The following PELI2 variants were observed in gnomAD, a reference collection of about 807,000 sequenced individuals.
PELI2 encodes the protein pellino E3 ubiquitin protein ligase family member 2, also known as E3 ubiquitin-protein ligase pellino homolog 2.
A neutral mutation model predicts 42.3 loss-of-function variants in PELI2; 23 were observed. The ratio of observed to expected loss-of-function variants is 0.54; its 90% CI spans 0.39 to 0.77. PELI2 has a LOEUF of 0.77. Among genes scored for constraint, PELI2 ranks in the 30% least tolerant of loss-of-function variants. PELI2 has a pLI of 0.00. For missense variants in PELI2, 463 were observed against 553.2 expected (o/e 0.84, Z 1.64); for synonymous variants, 245 against 212.2 (o/e 1.15, Z -1.34).
intron 2 of PELI2, among the ~76,000 whole-genome samples, chr14:56,229,342 A>G (rs1018434422): frequency 1.4e-4 from 22 of 152,228 alleles, no homozygotes; most frequent in Admixed American, 1.4e-3. Context: ...GACACTTCCC[A>G]GTAGGGGCTG....
rs1167394962 is a variant in PELI2 at position 56,219,584 on chromosome 14, C to T, written c.207+41120C>T. 6.6e-6 allele frequency among the ~76,000 whole-genome samples: 1 copy of T among 152,176 alleles called. No individual in the cohort carries two copies. The highest frequency in any genetic ancestry group is 1.5e-5 in the Non-Finnish European group (1 of 68,032). On this transcript the variant is annotated intron_variant, in intron 2 of 5. Coordinates refer to ENST00000267460, the MANE Select transcript of PELI2 (RefSeq NM_021255.3). The surrounding 1 kb of genome is among the most constrained non-coding windows in gnomAD (Gnocchi z 4.1). Reference sequence around the variant, plus strand: ...GGAAGTCAAAGAAAGGGTCTCTGAGCTGCCACACACTCATAAGAGGCCTCC... The same window carrying T: ...GGAAGTCAAAGAAAGGGTCTCTGAGTTGCCACACACTCATAAGAGGCCTCC...
rs1890148778 is a variant in PELI2, at chr14:56,300,763, C to T, written c.*3597C>T. 6.6e-6 allele frequency: 1 copy of T among 152,138 alleles called. No individual in the cohort carries two copies. Among genetic ancestry groups the T allele is most frequent in the Non-Finnish European group, 1.5e-5 (1 of 68,030 alleles). 9.4% of individuals were successfully genotyped at this position (152,138 alleles called of 1,614,324 possible). ...ATTTTAAGCCAAATCCATCTCCATC[C>T]CTTTACTGTCAATCTTCTGTCCCAG... On this transcript the variant is annotated 3_prime_UTR_variant, in exon 6 of 6. Coordinates refer to ENST00000267460, the MANE Select transcript of PELI2 (RefSeq NM_021255.3).
rs997966021 is a variant in PELI2, at chr14:56,298,460, G to A, written c.*1294G>A. 1 of 152,586 alleles carries A rather than the reference G, an allele frequency of 6.6e-6. No homozygotes were observed. The highest frequency in any genetic ancestry group is 2.4e-5 in the African/African-American group (1 of 41,444). 9.5% of individuals were successfully genotyped at this position (152,586 alleles called of 1,614,324 possible). On this transcript the variant is annotated 3_prime_UTR_variant, in exon 6 of 6. Coordinates refer to ENST00000267460, the MANE Select transcript of PELI2 (RefSeq NM_021255.3). Reference sequence around the variant, plus strand: ...CGTATCACTGCTCCTAGAAGGTAAAGATCCTTTAGGACATGAGACTGGTAG... The same window carrying A: ...CGTATCACTGCTCCTAGAAGGTAAAAATCCTTTAGGACATGAGACTGGTAG...
intron 2 of PELI2, among the ~76,000 whole-genome samples, chr14:56,226,029 C>CT (rs147862118): frequency 1.3e-5 from 2 of 152,010 alleles, no homozygotes; most frequent in Non-Finnish European, 2.9e-5. Context: ...CAGAAACTGA[C>CT]TGCCAGAGTG....
chr14:56,170,920 C>T (rs1885143039), intron 1 of PELI2, among the ~76,000 whole-genome samples: 1 of 152,148 alleles, frequency 6.6e-6, no homozygotes, highest in Non-Finnish European at 1.5e-5. Flanking sequence ...GCCTGAAAGG[C>T]TCTTATGGGC....
At chr14:56,137,241 A>T (rs944556007) in intron 1 of PELI2, among the ~76,000 whole-genome samples, 6 of 151,748 alleles carry the variant, frequency 4.0e-5, no homozygotes, top group African/African-American at 1.5e-4. Flanking sequence ...TTGAGTGTGT[A>T]TAGTAAGATG....
At chr14:56,143,973 G>A (rs887621983) in intron 1 of PELI2, among the ~76,000 whole-genome samples, 2 of 152,094 alleles carry the variant, frequency 1.3e-5, no homozygotes, top group Non-Finnish European at 2.9e-5. Flanking sequence ...GACTATCTTG[G>A]TGGAGAGCTA....
At chr14:56,266,973 C>T (rs555590192) in intron 2 of PELI2, among the ~76,000 whole-genome samples, 1 of 152,136 alleles carries the variant, frequency 6.6e-6, no homozygotes, top group South Asian at 2.1e-4. Context: ...ACATTGTATG[C>T]AGTATGCTAT....
intron 1 of PELI2, chr14:56,119,704 G>A (rs558466597): frequency 6.6e-6 from 6 of 907,408 alleles, no homozygotes; most frequent in East Asian, 1.2e-4. Flanking sequence ...GAAAGGGGAG[G>A]GGGAAGGGGG....
chr14:56,278,309 G>C (rs1262973011), intron 2 of PELI2, among the ~76,000 whole-genome samples: 7 of 152,132 alleles, frequency 4.6e-5, no homozygotes, highest in South Asian at 4.1e-4. Context: ...TGTACAGCAT[G>C]ATGATTTGAT....
At position 56,297,203 on chromosome 14, in the gene PELI2, T is replaced by C. The variant is rs1890040237; in HGVS notation, c.*37T>C. 4.1e-6 allele frequency: 6 copies of C among 1,448,174 alleles called. No homozygotes were observed. The highest frequency in any genetic ancestry group is 2.4e-5 in the East Asian group (1 of 42,366). The allele number at this position is 1,448,174 out of a possible 1,614,324, so 89.7% of individuals were successfully genotyped here. ...GCCATCTACGACTTTATTAACAGGT[T>C]ACTGTGAAGATTTTGCCACTAACTC... On this transcript the variant is annotated 3_prime_UTR_variant, in exon 6 of 6. Transcript: ENST00000267460.
At chr14:56,261,942 C>T (rs980735830) in intron 2 of PELI2, among the ~76,000 whole-genome samples, 7 of 152,100 alleles carry the variant, frequency 4.6e-5, no homozygotes, top group African/African-American at 1.7e-4. Context: ...ACTTTCTGTC[C>T]CCCATAAATA....
chr14:56,197,281 A>C lies in PELI2; in HGVS notation c.207+18817A>C, dbSNP rs1886162504. ...AGGGACACATATTTAAGTTTTGATG[A>C]GTTATGAAGGCATACATAGAGTTTA... On this transcript the variant is annotated intron_variant, in intron 2 of 5. Transcript: ENST00000267460. This position sits in a 1 kb window ranked among gnomAD's most constrained non-coding sequence, Gnocchi z 4.9. Among the ~76,000 whole-genome samples, 1 of 152,218 alleles carries C rather than the reference A, an allele frequency of 6.6e-6. No individual in the cohort carries two copies. Among genetic ancestry groups the C allele is most frequent in the Non-Finnish European group, 1.5e-5 (1 of 68,034 alleles).
At position 56,288,517 on chromosome 14, in the gene PELI2, G is replaced by A. The variant is rs1889716379; in HGVS notation, c.390G>A (p.Gln130=). Reference sequence around the variant, plus strand: ...GCAGCCAGAACACGGACGAAGCCCAGATCACACAGAGCACCATATCCAGGT... The same window carrying A: ...GCAGCCAGAACACGGACGAAGCCCAAATCACACAGAGCACCATATCCAGGT... The part of the protein sequence containing the change: ...ISGSQNTDEA[Q]ITQSTISRFA... The change falls in exon 4 of 6, where the codon CAG becomes CAA. Residue 130 remains glutamine, a synonymous_variant. Coordinates refer to ENST00000267460, the MANE Select transcript of PELI2 (RefSeq NM_021255.3). This position sits in a 1 kb window ranked among gnomAD's most constrained non-coding sequence, Gnocchi z 4.6. 6.2e-7 allele frequency: 1 copy of A among 1,613,992 alleles called. No individual in the cohort carries two copies. The highest frequency in any genetic ancestry group is 1.3e-5 in the African/African-American group (1 of 74,916).
At chr14:56,130,215 TG>T (rs1472255263) in intron 1 of PELI2, among the ~76,000 whole-genome samples, 1 of 152,184 alleles carries the variant, frequency 6.6e-6, no homozygotes, top group Non-Finnish European at 1.5e-5. Context: ...GATTCTTAGC[TG>T]GGTTCTTTGT....
intron 2 of PELI2, among the ~76,000 whole-genome samples, chr14:56,265,599 A>C (rs1480069612): frequency 2.0e-5 from 3 of 152,114 alleles, no homozygotes; most frequent in African/African-American, 4.8e-5. Flanking sequence ...GAACAAATTG[A>C]TAAATAGACA....
At chr14:56,144,901 ATTTC>A (rs1884057819) in intron 1 of PELI2, 1 of 801,478 alleles carries the variant, frequency 1.2e-6, no homozygotes, top group Non-Finnish European at 1.5e-6. Flanking sequence ...CCATCCTACT[ATTTC>A]TTTATTACTG....
chr14:56,183,980 T>C (rs944089246), intron 2 of PELI2, among the ~76,000 whole-genome samples: 2 of 152,156 alleles, frequency 1.3e-5, no homozygotes, highest in Admixed American at 6.5e-5. Flanking sequence ...CTCTGGATGA[T>C]GCAATAGGAA....
chr14:56,172,454 G>A (rs1255819244), intron 1 of PELI2, among the ~76,000 whole-genome samples: 1 of 152,220 alleles, frequency 6.6e-6, no homozygotes, highest in African/African-American at 2.4e-5. Context: ...GATTTAGGGA[G>A]AGGGGAGTTA....
Sources: allele counts gnomAD v4.1 joint callset (sites outside exome capture counted in the v4.1 genomes callset), GRCh38; gene constraint gnomAD v4.1.1; non-coding constraint Gnocchi (gnomAD v3.1); transcripts MANE v1.5; gene names NCBI Gene and HGNC (gene_info 2026-07-23, HGNC 2026-07-21).